Variants in CSMD1 observed in about 807,000 individuals in gnomAD.
The protein encoded by CSMD1 is CUB and sushi domain-containing protein 1.
In CSMD1, 213 loss-of-function variants were observed where a neutral mutation model predicts 417.5. The observed-to-expected ratio is 0.51, with a 90% CI of 0.46 to 0.57. CSMD1 has a LOEUF of 0.57. Among genes scored for constraint, CSMD1 ranks in the 20% least tolerant of loss-of-function variants. The pLI is 0.00. For synonymous variants in CSMD1, 2,862 were observed against 1,736.8 expected (o/e 1.65, Z -16.11); for missense variants, 6,923 against 4,529.7 (o/e 1.53, Z -15.17).
At chr8:3,946,733 G>A (rs527396688) in intron 5 of CSMD1, among the ~76,000 whole-genome samples, 2 of 152,008 alleles carry the variant, frequency 1.3e-5, no homozygotes, top group East Asian at 1.9e-4. Flanking sequence ...TAGGTCTTTA[G>A]TAATTTCTCT....
At chr8:4,655,379 C>CA (rs1404817040) in intron 1 of CSMD1, among the ~76,000 whole-genome samples, 1 of 151,718 alleles carries the variant, frequency 6.6e-6, no homozygotes, top group East Asian at 1.9e-4. Flanking sequence ...GGAGACCAAA[C>CA]AAAACTAAGT....
chr8:4,044,742 G>GTACCACCCTGGGCATGTACAACCCTGGC (rs1563357791), intron 3 of CSMD1, among the ~76,000 whole-genome samples: 1 of 19,498 alleles, frequency 5.1e-5, no homozygotes, highest in Admixed American at 4.1e-4. Context: ...ACCACCCTGG[G>GTACCACCCTGGGCATGTACAACCCTGGC]CATGTACCAC....
intron 1 of CSMD1, among the ~76,000 whole-genome samples, chr8:4,973,270 T>C (rs1810350140): frequency 6.6e-6 from 1 of 152,164 alleles, no homozygotes; most frequent in Non-Finnish European, 1.5e-5. Flanking sequence ...GCAGGGACTT[T>C]ATCTCATTCG....
chr8:4,544,909 A>T (rs531896996), intron 2 of CSMD1, among the ~76,000 whole-genome samples: 1 of 152,234 alleles, frequency 6.6e-6, no homozygotes, highest in Non-Finnish European at 1.5e-5. Flanking sequence ...TTAATGTTCC[A>T]CTTACATTGA....
intron 10 of CSMD1, among the ~76,000 whole-genome samples, chr8:3,523,015 C>CCACACACACA (rs35558604): frequency 1.2e-4 from 17 of 141,794 alleles, no homozygotes; most frequent in African/African-American, 4.6e-4. Flanking sequence ...ATACACACAC[C>CCACACACACA]CACACACACA....
chr8:4,260,544 T>C (rs1368773659), intron 3 of CSMD1, among the ~76,000 whole-genome samples: 2 of 152,208 alleles, frequency 1.3e-5, no homozygotes, highest in Non-Finnish European at 2.9e-5. Flanking sequence ...ATAGCCAGAA[T>C]ACCTGGATTT....
At chr8:3,542,745 C>G (rs369551471) in intron 10 of CSMD1, among the ~76,000 whole-genome samples, 4 of 152,320 alleles carry the variant, frequency 2.6e-5, no homozygotes, top group East Asian at 3.9e-4. Flanking sequence ...TAAGAAGGAG[C>G]TGAATGGAAC....
chr8:3,308,222 CT>C (rs770074484), intron 24 of CSMD1, 89 bp downstream of exon 24: 4 of 1,005,280 alleles, frequency 4.0e-6, no homozygotes, highest in Non-Finnish European at 5.8e-6. Context: ...AAAATTCCTC[CT>C]CTTTTCCAAT....
chr8:4,714,976 T>C (rs1392861213), intron 1 of CSMD1, among the ~76,000 whole-genome samples: 1 of 152,238 alleles, frequency 6.6e-6, no homozygotes, highest in Non-Finnish European at 1.5e-5. Context: ...TTAGACTGTA[T>C]TTCCCTTTAT....
chr8:4,880,902 G>A (rs7010055), intron 1 of CSMD1, among the ~76,000 whole-genome samples: 1,757 of 152,182 alleles, frequency 0.012, 46 homozygotes, highest in African/African-American at 0.04. Flanking sequence ...TTTAAGAAAT[G>A]TTACATTCCT....
chr8:3,398,044 C>T (rs941984653), intron 16 of CSMD1, among the ~76,000 whole-genome samples: 1 of 152,054 alleles, frequency 6.6e-6, no homozygotes, highest in Non-Finnish European at 1.5e-5. Flanking sequence ...AGCAAAACAT[C>T]ACACTGAAAC....
At chr8:3,912,505 A>G (rs1479947410) in intron 5 of CSMD1, among the ~76,000 whole-genome samples, 4 of 152,144 alleles carry the variant, frequency 2.6e-5, no homozygotes, top group Non-Finnish European at 5.9e-5. Context: ...AACATATTGC[A>G]TACAATGGAA....
At chr8:3,089,766 C>CT (rs397939209) in intron 48 of CSMD1, among the ~76,000 whole-genome samples, 3 of 151,730 alleles carry the variant, frequency 2.0e-5, no homozygotes, top group African/African-American at 7.3e-5. Flanking sequence ...CTCTCTCTCT[C>CT]CACTTAAACA....
chr8:4,180,191 T>C lies in CSMD1; in HGVS notation c.416-148092A>G, dbSNP rs972969313. 5.3e-5 allele frequency among the ~76,000 whole-genome samples: 8 copies of C among 152,136 alleles called. No individual in the cohort carries two copies. The East Asian group carries it at 5.8e-4, about 11-fold the overall frequency. Reference sequence around the variant, plus strand: ...TGGAACCAACCCAAATGTCCAACAATGATAGACTGGATTAAGAAAATGTGG... The same window carrying C: ...TGGAACCAACCCAAATGTCCAACAACGATAGACTGGATTAAGAAAATGTGG... On this transcript the variant is annotated intron_variant, in intron 3 of 69. Transcript: ENST00000635120.
At chr8:3,946,065 C>T (rs1401417834) in intron 5 of CSMD1, among the ~76,000 whole-genome samples, 1 of 152,108 alleles carries the variant, frequency 6.6e-6, no homozygotes, top group Non-Finnish European at 1.5e-5. Context: ...TCAATACTAA[C>T]GTAAAGTGTA....
At chr8:3,153,466 C>G (rs540895336) in intron 39 of CSMD1, among the ~76,000 whole-genome samples, 16 of 152,314 alleles carry the variant, frequency 1.1e-4, no homozygotes, top group African/African-American at 3.6e-4. Flanking sequence ...AGAACCCTCT[C>G]CTGGGGTGTG....
chr8:4,090,583 T>C (rs1224801944), intron 3 of CSMD1, among the ~76,000 whole-genome samples: 3 of 152,216 alleles, frequency 2.0e-5, no homozygotes, highest in Non-Finnish European at 4.4e-5. Context: ...TTAGGTGTGC[T>C]CACCTGACCT....
intron 1 of CSMD1, among the ~76,000 whole-genome samples, chr8:4,886,144 C>T (rs1803725294): frequency 1.3e-5 from 2 of 152,078 alleles, no homozygotes; most frequent in South Asian, 2.1e-4. Flanking sequence ...GCACATGCCA[C>T]GACTCCCAGC....
intron 1 of CSMD1, among the ~76,000 whole-genome samples, chr8:4,680,529 G>T (rs1483363490): frequency 6.6e-6 from 1 of 152,122 alleles, no homozygotes; most frequent in East Asian, 1.9e-4. Context: ...AATGGAAATT[G>T]GAACTGCTGA....
Sources: allele counts gnomAD v4.1 joint callset (sites outside exome capture counted in the v4.1 genomes callset), GRCh38; gene constraint gnomAD v4.1.1; transcripts MANE v1.5; gene names NCBI Gene and HGNC (gene_info 2026-07-23, HGNC 2026-07-21).